PREX2: variants seen among roughly 807,000 people sequenced by gnomAD.
PREX2 encodes phosphatidylinositol 3,4,5-trisphosphate-dependent Rac exchanger 2 protein.
Under a neutral mutation model 203.2 loss-of-function variants are expected in PREX2, and 107 were observed. The observed-to-expected ratio is 0.53, with a 90% CI of 0.45 to 0.62. The LOEUF (loss-of-function observed/expected upper bound fraction) is 0.62, where lower values mean the gene tolerates loss of function less well. Ranked by LOEUF, PREX2 falls within the 20% of genes least tolerant of loss-of-function variation. The pLI is 0.00. For synonymous variants in PREX2, 672 were observed against 663.6 expected (o/e 1.01, Z -0.19); for missense variants, 1,777 against 1,955.9 (o/e 0.91, Z 1.72).
chr8:68,079,631 A>G (rs1563533511), intron 15 of PREX2, among the ~76,000 whole-genome samples: 1 of 147,518 alleles, frequency 6.8e-6, no homozygotes, highest in Non-Finnish European at 1.5e-5. Context: ...GGTATTAAGG[A>G]CAGAGAAATA....
At chr8:67,952,637 C>T (rs1419761672) in intron 1 of PREX2, 102 bp downstream of exon 1, 3 of 1,470,378 alleles carry the variant, frequency 2.0e-6, no homozygotes, top group Admixed American at 2.0e-5. Context: ...TGCGGGGACC[C>T]GGGACGGGTC....
chr8:68,220,711 TA>T (rs1812936599), intron 38 of PREX2, among the ~76,000 whole-genome samples: 2 of 152,158 alleles, frequency 1.3e-5, no homozygotes, highest in East Asian at 3.9e-4. Flanking sequence ...GGATAAGTCT[TA>T]CTCATTTTTG....
intron 31 of PREX2, among the ~76,000 whole-genome samples, chr8:68,130,115 A>C (rs1030967484): frequency 6.1e-5 from 2 of 32,576 alleles, no homozygotes; most frequent in Admixed American, 3.0e-4. Context: ...CTGCCTCTGC[A>C]AAAAAAAAAA....
chr8:68,215,952 C>T (rs1267329003), intron 37 of PREX2, among the ~76,000 whole-genome samples: 1 of 152,170 alleles, frequency 6.6e-6, no homozygotes, highest in African/African-American at 2.4e-5. Flanking sequence ...ATCGGACTCA[C>T]ACACTAAAAG....
At chr8:68,200,233 C>T (rs958551372) in intron 37 of PREX2, among the ~76,000 whole-genome samples, 9 of 151,960 alleles carry the variant, frequency 5.9e-5, no homozygotes, top group Non-Finnish European at 1.0e-4. Flanking sequence ...GCTTTAATTT[C>T]CCTTTGGAAT....
chr8:68,032,037 C>T (rs1291862073), intron 6 of PREX2, among the ~76,000 whole-genome samples: 1 of 152,008 alleles, frequency 6.6e-6, no homozygotes, highest in Admixed American at 6.6e-5. Flanking sequence ...ATGAGAGATT[C>T]CTTAAAAGTT....
intron 37 of PREX2, among the ~76,000 whole-genome samples, chr8:68,207,097 A>C (rs1812640135): frequency 2.6e-5 from 4 of 152,190 alleles, no homozygotes; most frequent in Admixed American, 2.0e-4. Flanking sequence ...ATGATATAAC[A>C]ATTAATAATA....
intron 35 of PREX2, among the ~76,000 whole-genome samples, chr8:68,170,683 C>A (rs1002530655): frequency 6.6e-6 from 1 of 152,168 alleles, no homozygotes; most frequent in Admixed American, 6.6e-5. Context: ...GGAATTCTGA[C>A]GAAGAAATTC....
At chr8:67,993,994 G>A (rs1019502467) in intron 1 of PREX2, among the ~76,000 whole-genome samples, 1 of 152,168 alleles carries the variant, frequency 6.6e-6, no homozygotes, top group African/African-American at 2.4e-5. Flanking sequence ...GAAGTGATTG[G>A]AGTCAATAAT....
intron 33 of PREX2, among the ~76,000 whole-genome samples, chr8:68,145,616 C>A (rs1242865188): frequency 6.6e-6 from 1 of 152,012 alleles, no homozygotes; most frequent in Non-Finnish European, 1.5e-5. Context: ...TTGTGAAATA[C>A]TCCGACTGAA....
chr8:68,053,070 C>A (rs1214859109), intron 8 of PREX2, 27 bp from the exon 9 acceptor site: 6 of 1,598,700 alleles, frequency 3.8e-6, no homozygotes, highest in South Asian at 1.1e-5. Flanking sequence ...ACATTTTGTT[C>A]ATTTGCCTTT....
At chr8:67,995,307 A>T (rs1427669055) in intron 1 of PREX2, among the ~76,000 whole-genome samples, 1 of 152,190 alleles carries the variant, frequency 6.6e-6, no homozygotes, top group Non-Finnish European at 1.5e-5. Flanking sequence ...CACAAACAAC[A>T]TATGATATCA....
chr8:68,227,600 ACCAC>A (rs1283816818), intron 39 of PREX2, among the ~76,000 whole-genome samples: 1 of 152,184 alleles, frequency 6.6e-6, no homozygotes, highest in African/African-American at 2.4e-5. Context: ...CAATTTCGTT[ACCAC>A]AATGTATGGG....
intron 1 of PREX2, among the ~76,000 whole-genome samples, chr8:67,980,472 T>G (rs1397307053): frequency 2.3e-5 from 3 of 131,906 alleles, no homozygotes; most frequent in Non-Finnish European, 5.1e-5. Context: ...CGGCAACATG[T>G]TCTCAGAACA....
chr8:68,224,790 T>C (rs1385759809), intron 39 of PREX2, among the ~76,000 whole-genome samples, 164 bp downstream of exon 39: 1 of 152,016 alleles, frequency 6.6e-6, no homozygotes, highest in African/African-American at 2.4e-5. Flanking sequence ...TGATTACACA[T>C]AAATGCTCTC....
chr8:68,007,398 T>A (rs1807125850), intron 1 of PREX2, among the ~76,000 whole-genome samples: 1 of 152,228 alleles, frequency 6.6e-6, no homozygotes. Flanking sequence ...TTTATACATA[T>A]GCAATACTTG....
intron 35 of PREX2, among the ~76,000 whole-genome samples, chr8:68,174,855 A>G (rs1811947989): frequency 6.6e-6 from 1 of 152,228 alleles, no homozygotes; most frequent in African/African-American, 2.4e-5. Context: ...CTTGACTCAC[A>G]TCATGATGAC....
At chr8:68,165,677 GT>G (rs1238319455) in intron 35 of PREX2, among the ~76,000 whole-genome samples, 4 of 151,324 alleles carry the variant, frequency 2.6e-5, no homozygotes, top group Admixed American at 1.3e-4. Flanking sequence ...TCTTTTAGAA[GT>G]TTTTTTTTCA....
In PREX2 at chr8:68,232,388, T is replaced by A. The variant is rs958367166; in HGVS notation, c.*1010T>A. The stretch of plus-strand genomic sequence containing the variant: ...TTTAAAAGGACCATTAGGGGACTTG[T>A]AATTTATGGATGCACAAGGTGTATT... On this transcript the variant is annotated 3_prime_UTR_variant, in exon 40 of 40. Transcript: ENST00000288368. 6 of 151,448 alleles carry A rather than the reference T, an allele frequency of 4.0e-5. No homozygotes were observed. Among genetic ancestry groups the A allele is most frequent in the African/African-American group, 1.5e-4 (6 of 41,262 alleles). 9.4% of individuals were successfully genotyped at this position (151,448 alleles called of 1,614,324 possible).
Sources: allele counts gnomAD v4.1 joint callset (sites outside exome capture counted in the v4.1 genomes callset), GRCh38; gene constraint gnomAD v4.1.1; transcripts MANE v1.5; gene names NCBI Gene and HGNC (gene_info 2026-07-23, HGNC 2026-07-21).